Variants in ERC1 observed in about 807,000 individuals in gnomAD.
The protein encoded by ERC1 is RAB6 interacting protein 2.
A neutral mutation model predicts 132.0 loss-of-function variants in ERC1; 56 were observed. That is an observed-to-expected ratio of 0.42 (90% CI 0.34 to 0.53). The LOEUF is 0.53. Among genes scored for constraint, ERC1 ranks in the 20% least tolerant of loss-of-function variants. The pLI is 0.03. For synonymous variants in ERC1, 478 were observed against 476.1 expected, an observed-to-expected ratio of 1.00 and a Z score of -0.05; for missense variants, 1,202 against 1,349.9, an observed-to-expected ratio of 0.89 and a Z score of 1.72.
intron 8 of ERC1, among the ~76,000 whole-genome samples, chr12:1,164,062 G>A (rs1428829451): frequency 1.3e-5 from 2 of 152,036 alleles, no homozygotes; most frequent in Non-Finnish European, 1.5e-5. Flanking sequence ...TGGGTTCCTC[G>A]TGGCATGGGG....
chr12:1,359,745 C>T (rs1429136726), intron 15 of ERC1, among the ~76,000 whole-genome samples: 1 of 152,190 alleles, frequency 6.6e-6, no homozygotes, highest in East Asian at 1.9e-4. Context: ...GGCCCACTCA[C>T]TGAATTGATG....
chr12:1,375,030 G>A (rs1291060687), intron 16 of ERC1, among the ~76,000 whole-genome samples: 1 of 152,116 alleles, frequency 6.6e-6, no homozygotes, highest in East Asian at 1.9e-4. Context: ...CAAAAGCACA[G>A]TGCTCGTCTT....
intron 7 of ERC1, among the ~76,000 whole-genome samples, chr12:1,123,967 G>A (rs1947860742): frequency 6.6e-6 from 1 of 152,236 alleles, no homozygotes; most frequent in South Asian, 2.1e-4. Flanking sequence ...CTGGGTGACA[G>A]CGCAAGATTC....
intron 7 of ERC1, among the ~76,000 whole-genome samples, chr12:1,131,297 G>C (rs561699142): frequency 6.6e-6 from 1 of 152,286 alleles, no homozygotes; most frequent in South Asian, 2.1e-4. Context: ...CACTGAAAAG[G>C]TGTGATCACA....
At chr12:1,098,683 A>T (rs7133720) in intron 3 of ERC1, among the ~76,000 whole-genome samples, 109,721 of 152,150 alleles carry the variant, frequency 0.72, 39,865 homozygotes, top group East Asian at 0.9. Flanking sequence ...TGATAAAATA[A>T]GTGTGAGTTG....
chr12:1,190,794 G>T (rs952596835), intron 12 of ERC1, among the ~76,000 whole-genome samples: 1 of 151,970 alleles, frequency 6.6e-6, no homozygotes, highest in African/African-American at 2.4e-5. Flanking sequence ...GTAGAACTTT[G>T]TTAATTACCT....
intron 18 of ERC1, among the ~76,000 whole-genome samples, chr12:1,476,567 A>G (rs1364378144): frequency 1.3e-5 from 2 of 152,226 alleles, no homozygotes; most frequent in African/African-American, 4.8e-5. Flanking sequence ...ACAGATGGGA[A>G]GAACTACGAA....
intron 17 of ERC1, among the ~76,000 whole-genome samples, chr12:1,423,835 T>C (rs2092519000): frequency 6.6e-6 from 1 of 152,226 alleles, no homozygotes; most frequent in Admixed American, 6.5e-5. Flanking sequence ...ACATCCCTTT[T>C]GATTTTCAGA....
intron 1 of ERC1, among the ~76,000 whole-genome samples, chr12:1,010,127 G>T (rs1328196875): frequency 6.6e-6 from 1 of 152,170 alleles, no homozygotes; most frequent in Non-Finnish European, 1.5e-5. Context: ...CCTTGGTAGA[G>T]TTTATTCAGA....
chr12:1,297,927 T>C (rs1479725391), intron 15 of ERC1, among the ~76,000 whole-genome samples: 1 of 152,002 alleles, frequency 6.6e-6, no homozygotes, highest in East Asian at 1.9e-4. Flanking sequence ...GTTCGTGAAG[T>C]AGAAAATATG....
chr12:1,058,761 T>C (rs1286640784), intron 2 of ERC1, among the ~76,000 whole-genome samples: 2 of 151,226 alleles, frequency 1.3e-5, no homozygotes, highest in African/African-American at 4.9e-5. Flanking sequence ...TGGATTGCAT[T>C]GAATCTATAG....
At chr12:1,440,572 C>T (rs1401656085) in intron 17 of ERC1, among the ~76,000 whole-genome samples, 1 of 142,088 alleles carries the variant, frequency 7.0e-6, no homozygotes, top group Non-Finnish European at 1.5e-5. Context: ...AAACTCCTGG[C>T]CTTAAGCAAT....
chr12:1,214,664 A>C (rs1464218122), intron 12 of ERC1, among the ~76,000 whole-genome samples: 1 of 63,502 alleles, frequency 1.6e-5, no homozygotes, highest in African/African-American at 1.0e-4. Flanking sequence ...GTGTGTATAC[A>C]TACACACACA....
intron 2 of ERC1, among the ~76,000 whole-genome samples, chr12:1,068,218 C>G: frequency 1.0e-5 from 1 of 97,368 alleles, no homozygotes; most frequent in African/African-American, 3.2e-5. Context: ...GCGTGAGCCA[C>G]CGCGCCCGGC....
intron 14 of ERC1, among the ~76,000 whole-genome samples, chr12:1,280,486 A>G (rs1055067582): frequency 7.9e-5 from 12 of 152,220 alleles, no homozygotes; most frequent in Non-Finnish European, 1.3e-4. Flanking sequence ...TTAGAAGTCA[A>G]GTGACGTGGA....
chr12:1,435,440 CT>C (rs1217103798), intron 17 of ERC1, among the ~76,000 whole-genome samples: 1 of 152,146 alleles, frequency 6.6e-6, no homozygotes, highest in Non-Finnish European at 1.5e-5. Context: ...TGCTGTCCCC[CT>C]GAAAAACCAG....
intron 2 of ERC1, among the ~76,000 whole-genome samples, chr12:1,061,965 T>C (rs185872638): frequency 6.6e-6 from 1 of 151,410 alleles, no homozygotes; most frequent in East Asian, 1.9e-4. Flanking sequence ...TTTGGTATGT[T>C]GTGTTTTTTT....
chr12:1,109,386 T>C (rs1367450591), intron 4 of ERC1, among the ~76,000 whole-genome samples: 1 of 152,254 alleles, frequency 6.6e-6, no homozygotes, highest in Non-Finnish European at 1.5e-5. Context: ...TGGGATGTTA[T>C]GTAATTTTTA....
At chr12:1,159,895 A>C (rs1396383935) in intron 8 of ERC1, among the ~76,000 whole-genome samples, 1 of 152,194 alleles carries the variant, frequency 6.6e-6, no homozygotes, top group East Asian at 1.9e-4. Context: ...ATAGCTACTT[A>C]AGGATGTTCT....
Sources: gnomAD v4.1 joint callset for allele counts (sites outside exome capture counted in the v4.1 genomes callset) on GRCh38, gnomAD v4.1.1 for gene constraint, MANE v1.5 for transcripts, NCBI Gene and HGNC (gene_info 2026-07-23, HGNC 2026-07-21) for gene names.